SLC25A26: variants seen among roughly 807,000 people sequenced by gnomAD.
The protein encoded by SLC25A26 is mitochondrial S-adenosylmethionine carrier protein.
A neutral mutation model predicts 37.8 loss-of-function variants in SLC25A26; 36 were observed. That is an observed-to-expected ratio of 0.95 (90% CI 0.73 to 1.26). The LOEUF is 1.26. SLC25A26 is among the 50% of genes most tolerant of loss of function. SLC25A26 has a pLI of 0.00. For missense variants in SLC25A26, 390 were observed against 331.1 expected, an observed-to-expected ratio of 1.18 and a Z score of -1.38; for synonymous variants, 129 against 122.5, an observed-to-expected ratio of 1.05 and a Z score of -0.35.
chr3:66,204,324 G>A (rs1223599726), intron 1 of SLC25A26, among the ~76,000 whole-genome samples: 18 of 150,908 alleles, frequency 1.2e-4, no homozygotes, highest in Non-Finnish European at 2.4e-4. Flanking sequence ...TACTCGGGAG[G>A]CTGAGGCAGG....
intron 9 of SLC25A26, among the ~76,000 whole-genome samples, chr3:66,377,388 A>G (rs1454710229): frequency 6.6e-6 from 1 of 152,130 alleles, no homozygotes; most frequent in Non-Finnish European, 1.5e-5. Flanking sequence ...TTCACTGAGC[A>G]ACCCCTGGAG....
chr3:66,236,505 CTTTT>C, intron 1 of SLC25A26, 35 bp from the exon 2 acceptor site: 1 of 1,267,596 alleles, frequency 7.9e-7, no homozygotes, highest in Non-Finnish European at 1.0e-6. Flanking sequence ...TTGTTGTAAC[CTTTT>C]TTTTTTCTTT....
chr3:66,341,703 T>A (rs1272705369), intron 5 of SLC25A26, among the ~76,000 whole-genome samples: 1 of 152,214 alleles, frequency 6.6e-6, no homozygotes, highest in African/African-American at 2.4e-5. Context: ...TTTAGGAATG[T>A]TAATATGTTT....
chr3:66,151,018 G>A lies in SLC25A26; in HGVS notation c.-354+17034G>A, dbSNP rs185213136. 1.8e-4 allele frequency among the ~76,000 whole-genome samples: 27 copies of A among 152,028 alleles called. No individual in the cohort carries two copies. In the East Asian group the frequency reaches 2.7e-3, roughly 15 times the overall value. The stretch of plus-strand genomic sequence containing the variant: ...CATAGTCACGTTCTAATGCCACACC[G>A]GGAAGCAGGTACTGTCCTTATGCTA... On this transcript the variant is annotated intron_variant, in intron 1 of 10. Coordinates refer to the SLC25A26 transcript ENST00000676754.
At chr3:66,316,091 T>C (rs2075531368) in intron 5 of SLC25A26, among the ~76,000 whole-genome samples, 2 of 152,238 alleles carry the variant, frequency 1.3e-5, no homozygotes, top group Admixed American at 1.3e-4. Context: ...TGCCTTTTAA[T>C]TGGGGGCATT....
intron 1 of SLC25A26, among the ~76,000 whole-genome samples, chr3:66,227,039 T>C (rs978534384): frequency 6.6e-6 from 1 of 152,224 alleles, no homozygotes; most frequent in Non-Finnish European, 1.5e-5. Context: ...GAAGCATCTT[T>C]TTATGCCTTG....
intron 5 of SLC25A26, among the ~76,000 whole-genome samples, chr3:66,300,380 A>G (rs922905838): frequency 6.6e-6 from 1 of 151,312 alleles, no homozygotes; most frequent in Non-Finnish European, 1.5e-5. Flanking sequence ...TTATAGTGAC[A>G]TTGGCAATAT....
chr3:66,345,643 C>T (rs1373555454), intron 5 of SLC25A26, among the ~76,000 whole-genome samples: 3 of 151,878 alleles, frequency 2.0e-5, no homozygotes, highest in Non-Finnish European at 2.9e-5. Context: ...GCTCTGTTGT[C>T]TCCCCATTCC....
rs1057341905 is a variant in SLC25A26 at position 66,249,793 on chromosome 3, A to T, written c.300+6481A>T. Among the ~76,000 whole-genome samples the T allele has an allele frequency of 2.0e-5, 3 of 152,352 alleles. No individual in the cohort carries two copies. In the South Asian group the frequency reaches 6.2e-4, roughly 32 times the overall value. ...GCTGCCCTGAGCCACAGTGAAATGT[A>T]GCTGATGATGGCAATTGCTTGTATA... On this transcript the variant is annotated intron_variant, in intron 3 of 9. Transcript: ENST00000354883.
chr3:66,150,603 G>GAT (rs1169750069), intron 1 of SLC25A26, among the ~76,000 whole-genome samples: 43 of 26,088 alleles, frequency 1.6e-3, no homozygotes, highest in Non-Finnish European at 2.2e-3. Context: ...TATGTAATGA[G>GAT]ATATATATAT....
chr3:66,253,032 C>CCT (rs2073149418), intron 3 of SLC25A26, among the ~76,000 whole-genome samples: 2 of 148,536 alleles, frequency 1.3e-5, no homozygotes, highest in African/African-American at 5.0e-5. Context: ...TGCCCCCCCC[C>CCT]CCCCATAAAT....
chr3:66,261,201 C>T (rs141285317), intron 3 of SLC25A26, among the ~76,000 whole-genome samples: 8 of 152,318 alleles, frequency 5.3e-5, no homozygotes, highest in African/African-American at 1.9e-4. Flanking sequence ...TATTTGCAGA[C>T]TGCTAGGTGC....
chr3:66,253,431 A>G (rs952696082), intron 3 of SLC25A26, among the ~76,000 whole-genome samples: 4 of 151,502 alleles, frequency 2.6e-5, no homozygotes, highest in Non-Finnish European at 5.9e-5. Context: ...TGAGGTGGAA[A>G]GAGTTTTCTG....
chr3:66,141,403 A>C (rs1464142299), intron 1 of SLC25A26, among the ~76,000 whole-genome samples: 1 of 152,034 alleles, frequency 6.6e-6, no homozygotes, highest in Non-Finnish European at 1.5e-5. Context: ...CTACCAAAGA[A>C]AGTTTTCAAA....
chr3:66,272,858 G>A (rs893404563), intron 5 of SLC25A26, among the ~76,000 whole-genome samples: 4 of 152,084 alleles, frequency 2.6e-5, no homozygotes, highest in South Asian at 2.1e-4. Context: ...AGAGGGCATC[G>A]CTGTCTTGTG....
chr3:66,197,020 T>C (rs978366039), intron 1 of SLC25A26, among the ~76,000 whole-genome samples: 1 of 152,142 alleles, frequency 6.6e-6, no homozygotes, highest in Admixed American at 6.5e-5. Flanking sequence ...ATGTGGTCTT[T>C]TGTATATTTT....
chr3:66,229,596 G>A (rs2071914541), intron 1 of SLC25A26, among the ~76,000 whole-genome samples: 1 of 152,200 alleles, frequency 6.6e-6, no homozygotes, highest in Admixed American at 6.5e-5. Context: ...TGGCATGATT[G>A]TAAGTTTCCT....
chr3:66,196,660 A>G (rs2071047948), intron 1 of SLC25A26, among the ~76,000 whole-genome samples: 1 of 152,128 alleles, frequency 6.6e-6, no homozygotes, highest in African/African-American at 2.4e-5. Context: ...AAATAAAACA[A>G]TCTATATCAA....
intron 6 of SLC25A26, among the ~76,000 whole-genome samples, chr3:66,349,369 A>G (rs1053728218): frequency 4.6e-5 from 7 of 152,214 alleles, no homozygotes; most frequent in Non-Finnish European, 5.9e-5. Flanking sequence ...TCATGCCGTC[A>G]GTGCCCTTTC....
Sources: gnomAD v4.1 joint callset for allele counts (sites outside exome capture counted in the v4.1 genomes callset) on GRCh38, gnomAD v4.1.1 for gene constraint, MANE v1.5 for transcripts, NCBI Gene and HGNC (gene_info 2026-07-23, HGNC 2026-07-21) for gene names.